The following TUFT1 variants were observed in gnomAD, a reference collection of about 807,000 sequenced individuals.
The protein encoded by TUFT1 is tuftelin.
A neutral mutation model predicts 57.8 loss-of-function variants in TUFT1; 43 were observed. The ratio of observed to expected loss-of-function variants is 0.74; its 90% CI spans 0.58 to 0.96. The LOEUF (loss-of-function observed/expected upper bound fraction) is 0.96, where lower values mean the gene tolerates loss of function less well. Ranked by LOEUF, TUFT1 falls within the 40% of genes least tolerant of loss-of-function variation. The probability of loss-of-function intolerance (pLI) is 0.00; values close to 1 mark genes in which losing one functional copy is unlikely to be tolerated. For missense variants in TUFT1, 459 were observed against 489.0 expected (o/e 0.94, Z 0.58); for synonymous variants, 166 against 176.7 (o/e 0.94, Z 0.48).
At chr1:151,561,531 T>G (rs1665894380) in intron 1 of TUFT1, 1 of 973,450 alleles carries the variant, frequency 1.0e-6, no homozygotes. Flanking sequence ...AAAGAAAACC[T>G]GCTTCATTCT....
rs746491656 is a variant in TUFT1 at position 151,569,670 on chromosome 1, T to G, written c.494T>G (p.Ile165Arg). The change falls in exon 7 of 13, where the codon ATA (isoleucine) becomes AGA (arginine). Residue 165 changes from isoleucine to arginine, a missense_variant. Transcript: ENST00000368849. ...YSSPPEVDTC[I>R]NEDVESLRKT... Reference sequence around the variant, plus strand: ...TTCTGGCTGTAGGTGGACACCTGTATAAATGAGGATGTTGAGAGCTTGAGG... The same window carrying G: ...TTCTGGCTGTAGGTGGACACCTGTAGAAATGAGGATGTTGAGAGCTTGAGG... 6.2e-7 allele frequency: 1 copy of G among 1,613,794 alleles called. No homozygotes were observed. Among genetic ancestry groups the G allele is most frequent in the East Asian group, 2.2e-5 (1 of 44,866 alleles).
chr1:151,566,298 G>A, intron 6 of TUFT1, 70 bp downstream of exon 6: 1 of 1,265,570 alleles, frequency 7.9e-7, no homozygotes, highest in Non-Finnish European at 1.1e-6. Context: ...CCATCCTTTT[G>A]TTTATTGCTT....
rs144550574 is a variant in TUFT1, at chr1:151,575,161, G to A, written c.818+156G>A. Among the ~76,000 whole-genome samples, 811 of 152,260 alleles carry A rather than the reference G, an allele frequency of 5.3e-3. 11 individuals are homozygous for A. Among genetic ancestry groups the A allele is most frequent in the African/African-American group, 0.019 (777 of 41,556 alleles). On this transcript the variant is annotated intron_variant, in intron 9 of 12. Coordinates refer to ENST00000368849, the MANE Select transcript of TUFT1 (RefSeq NM_020127.3). ...GACTCACCGTGAGCTTGCTCAGGGT[G>A]GAGCCCCACCCAAGAGATACCATTT...
intron 1 of TUFT1, chr1:151,545,982 T>C: frequency 3.1e-6 from 1 of 319,620 alleles, no homozygotes; most frequent in Non-Finnish European, 6.7e-6. Flanking sequence ...TTATCTTTCT[T>C]TCGAATATTT....
chr1:151,562,176 A>G lies in TUFT1; in HGVS notation c.135+11A>G, dbSNP rs1665918449. 1 of 1,612,348 alleles carries G rather than the reference A, an allele frequency of 6.2e-7. No homozygotes were observed. Among genetic ancestry groups the G allele is most frequent in the African/African-American group, 1.3e-5 (1 of 74,912 alleles). ...CACATAGCCCAGAAGGTACTGCGGA[A>G]TTCTGGTGGGCAAGGCCCCCTCCCC... On this transcript the variant is annotated intron_variant, in intron 2 of 12. Transcript: ENST00000368849.
chr1:151,566,325 TC>T, intron 6 of TUFT1, 97 bp downstream of exon 6: 1 of 940,616 alleles, frequency 1.1e-6, no homozygotes, highest in Non-Finnish European at 1.6e-6. Context: ...TCTCTCTCTC[TC>T]TCATTAAATA....
At chr1:151,556,455 C>T (rs72997978) in intron 1 of TUFT1, among the ~76,000 whole-genome samples, 81 of 151,782 alleles carry the variant, frequency 5.3e-4, no homozygotes, top group African/African-American at 1.9e-3. Flanking sequence ...GTAGCCCAGG[C>T]TGGAGTGCTG....
At chr1:151,561,269 A>G (rs1665878362) in intron 1 of TUFT1, among the ~76,000 whole-genome samples, 1 of 152,086 alleles carries the variant, frequency 6.6e-6, no homozygotes, top group African/African-American at 2.4e-5. Flanking sequence ...AAGTGCTGGG[A>G]TTACAGGCGT....
chr1:151,561,293 C>A (rs959092090), intron 1 of TUFT1, among the ~76,000 whole-genome samples: 40 of 152,104 alleles, frequency 2.6e-4, no homozygotes, highest in African/African-American at 9.6e-4. Flanking sequence ...CCACCGTGCC[C>A]GGCCTTTTTA....
At chr1:151,566,836 T>C (rs115744351) in intron 6 of TUFT1, among the ~76,000 whole-genome samples, 1,617 of 152,260 alleles carry the variant, frequency 0.011, 31 homozygotes, top group African/African-American at 0.037. Context: ...CTTCTTTCCA[T>C]GTCAGTACAT....
chr1:151,547,408 A>G (rs1324841179), intron 1 of TUFT1, among the ~76,000 whole-genome samples: 1 of 152,188 alleles, frequency 6.6e-6, no homozygotes, highest in African/African-American at 2.4e-5. Flanking sequence ...ATTATGGTGC[A>G]TGCCTCTTTG....
intron 2 of TUFT1, 41 bp downstream of exon 2, chr1:151,562,206 C>T: frequency 6.4e-7 from 1 of 1,560,306 alleles, no homozygotes; most frequent in Middle Eastern, 1.8e-4. Context: ...CTCCCCACAC[C>T]AGTGCTTCCT....
At chr1:151,576,769 G>A (rs1571719448) in intron 9 of TUFT1, among the ~76,000 whole-genome samples, 1 of 152,044 alleles carries the variant, frequency 6.6e-6, no homozygotes, top group African/African-American at 2.4e-5. Context: ...GACTACAGGC[G>A]TGTGCCACCA....
chr1:151,578,783 T>G lies in TUFT1; in HGVS notation c.881T>G (p.Met294Arg). The G allele has an allele frequency of 6.3e-7, 1 of 1,584,862 alleles. No individual in the cohort carries two copies. The highest frequency in any genetic ancestry group is 8.6e-7 in the Non-Finnish European group (1 of 1,164,272). The change falls in exon 10 of 13, where the codon ATG becomes AGG. Residue 294 changes from methionine to arginine, a missense_variant. Met to Arg is a moderately conservative substitution (Grantham distance 91). Transcript: ENST00000368849. Reference sequence around the variant, plus strand: ...GAGAAGATCCACCACTTGGATGACATGCTCAAGAGCCAGCAGCGGAAAGTC... The same window carrying G: ...GAGAAGATCCACCACTTGGATGACAGGCTCAAGAGCCAGCAGCGGAAAGTC... ...LREKIHHLDD[M>R]LKSQQRKVRQ... is the part of the protein sequence containing the mutation.
chr1:151,541,951 A>G (rs1665181023), intron 1 of TUFT1, among the ~76,000 whole-genome samples: 1 of 152,150 alleles, frequency 6.6e-6, no homozygotes, highest in Admixed American at 6.6e-5. Flanking sequence ...CCTGGCCTCA[A>G]TCCTTCTGCC....
Position 151,580,940 on chromosome 1 carries a change from A to G in TUFT1, c.1009-2A>G, listed in dbSNP as rs1666628613. ...ACTCTAACCCCTAAGCTTGTGTTAC[A>G]GAATTTAGAGATGCATGACCGGATG... On this transcript the variant is annotated splice_acceptor_variant, in intron 11 of 12. Transcript: ENST00000368849. LOFTEE classifies it high-confidence loss of function. 1 of 1,614,132 alleles carries G rather than the reference A, an allele frequency of 6.2e-7. No homozygotes were observed. The highest frequency in any genetic ancestry group is 2.2e-5 in the East Asian group (1 of 44,878).
intron 9 of TUFT1, among the ~76,000 whole-genome samples, chr1:151,578,217 C>G (rs1666540023): frequency 6.6e-6 from 1 of 152,148 alleles, no homozygotes; most frequent in South Asian, 2.1e-4. Context: ...GATTTACCCT[C>G]CAGAGTTATC....
At position 151,578,092 on chromosome 1, in the gene TUFT1, C is replaced by T. The variant is rs936657035; in HGVS notation, c.819-629C>T. 1.3e-4 allele frequency among the ~76,000 whole-genome samples: 20 copies of T among 151,596 alleles called. 2 individuals are homozygous for T. Among genetic ancestry groups the T allele is most frequent in the Admixed American group, 1.2e-3 (19 of 15,240 alleles). ...GCTTCTACTTGAATCTTTCCAGTAA[C>T]GAGGAGTTCATTACACATGAGACTG... On this transcript the variant is annotated intron_variant, in intron 9 of 12. Transcript: ENST00000368849.
chr1:151,558,840 A>G (rs1292531086), intron 1 of TUFT1, among the ~76,000 whole-genome samples: 1 of 148,360 alleles, frequency 6.7e-6, no homozygotes, highest in African/African-American at 2.5e-5. Context: ...GCGGGAGTGC[A>G]GTGGTATGAT....
Sources: gnomAD v4.1 joint callset for allele counts (sites outside exome capture counted in the v4.1 genomes callset) on GRCh38, gnomAD v4.1.1 for gene constraint, MANE v1.5 for transcripts, NCBI Gene and HGNC (gene_info 2026-07-23, HGNC 2026-07-21) for gene names.